Variants in SORCS3 observed in about 807,000 individuals in gnomAD.
The protein encoded by SORCS3 is sortilin related VPS10 domain containing receptor 3, also known as VPS10 domain-containing receptor SorCS3.
In SORCS3, 57 loss-of-function variants were observed where a neutral mutation model predicts 146.3. That is an observed-to-expected ratio of 0.39 (90% CI 0.31 to 0.49). The LOEUF is 0.49. Among genes scored for constraint, SORCS3 ranks in the 20% least tolerant of loss-of-function variants. The probability of loss-of-function intolerance (pLI) is 0.92; values close to 1 mark genes in which losing one functional copy is unlikely to be tolerated. For missense variants in SORCS3, 1,341 were observed against 1,575.5 expected (o/e 0.85, Z 2.52); for synonymous variants, 653 against 618.5 (o/e 1.06, Z -0.83).
At chr10:104,819,969 G>A (rs747957443) in intron 1 of SORCS3, among the ~76,000 whole-genome samples, 1 of 152,172 alleles carries the variant, frequency 6.6e-6, no homozygotes, top group African/African-American at 2.4e-5. Context: ...GGTTTAGAAT[G>A]GAAAGTTGGC....
chr10:104,703,112 G>T (rs137878984), intron 1 of SORCS3, among the ~76,000 whole-genome samples: 3 of 152,274 alleles, frequency 2.0e-5, no homozygotes, highest in Non-Finnish European at 2.9e-5. Flanking sequence ...GCATCCCAAA[G>T]TCCAAGGGAA....
At chr10:104,977,865 C>T (rs1328455533) in intron 4 of SORCS3, among the ~76,000 whole-genome samples, 9 of 150,684 alleles carry the variant, frequency 6.0e-5, no homozygotes, top group Admixed American at 1.3e-4. Flanking sequence ...CTGAGTGGCT[C>T]GGATTACAGG....
At chr10:104,845,044 T>A (rs1396602970) in intron 2 of SORCS3, among the ~76,000 whole-genome samples, 1 of 152,168 alleles carries the variant, frequency 6.6e-6, no homozygotes, top group Non-Finnish European at 1.5e-5. Context: ...TCCTCCAACG[T>A]ACCAACCACA....
chr10:104,832,062 C>G (rs77065459), intron 1 of SORCS3, among the ~76,000 whole-genome samples: 1 of 152,076 alleles, frequency 6.6e-6, no homozygotes, highest in Non-Finnish European at 1.5e-5. Context: ...TTCTTTTGCC[C>G]TTAGCAAATA....
At chr10:104,902,436 G>A (rs768482733) in intron 2 of SORCS3, among the ~76,000 whole-genome samples, 2 of 152,220 alleles carry the variant, frequency 1.3e-5, no homozygotes, top group Non-Finnish European at 2.9e-5. Context: ...GAGGGACAGG[G>A]TCCTTGAGCC....
intron 20 of SORCS3, among the ~76,000 whole-genome samples, chr10:105,226,242 G>T (rs1442660076): frequency 6.6e-6 from 1 of 151,692 alleles, no homozygotes; most frequent in Admixed American, 6.6e-5. Flanking sequence ...TTCTATGCTG[G>T]TTTTTTGAGA....
intron 1 of SORCS3, among the ~76,000 whole-genome samples, chr10:104,693,455 T>C (rs2016137917): frequency 6.6e-6 from 1 of 152,194 alleles, no homozygotes; most frequent in African/African-American, 2.4e-5. Context: ...CAACATACTT[T>C]GCAGAGAATT....
chr10:105,082,600 A>T (rs1185324351), intron 5 of SORCS3, among the ~76,000 whole-genome samples: 1 of 152,222 alleles, frequency 6.6e-6, no homozygotes, highest in Non-Finnish European at 1.5e-5. Flanking sequence ...GTTTACACAG[A>T]GGGCCTGATC....
chr10:105,008,016 G>GGCTT (rs1033154908), intron 4 of SORCS3, among the ~76,000 whole-genome samples: 24 of 152,198 alleles, frequency 1.6e-4, no homozygotes, highest in Admixed American at 1.2e-3. Flanking sequence ...GAGGAATGGA[G>GGCTT]AAGCAAGAAC....
intron 1 of SORCS3, among the ~76,000 whole-genome samples, chr10:104,652,926 A>G (rs1324733872): frequency 6.6e-6 from 1 of 152,264 alleles, no homozygotes; most frequent in African/African-American, 2.4e-5. Flanking sequence ...TGTTGGACAG[A>G]TATTGCAGAG....
intron 9 of SORCS3, among the ~76,000 whole-genome samples, chr10:105,149,852 C>A (rs1331595707): frequency 2.0e-5 from 3 of 152,116 alleles, no homozygotes. Context: ...AGGCATGAAT[C>A]AAAATGAAGA....
intron 1 of SORCS3, among the ~76,000 whole-genome samples, chr10:104,790,040 C>A (rs1327228794): frequency 6.6e-6 from 1 of 152,202 alleles, no homozygotes; most frequent in Non-Finnish European, 1.5e-5. Flanking sequence ...GTGTCTTCCC[C>A]AGGACAAAAG....
At chr10:104,772,598 C>T (rs2017264610) in intron 1 of SORCS3, among the ~76,000 whole-genome samples, 1 of 152,130 alleles carries the variant, frequency 6.6e-6, no homozygotes, top group South Asian at 2.1e-4. Flanking sequence ...GACGTTATTC[C>T]CCCGCTTTCC....
chr10:105,161,853 G>GTAGCCCTTCAGCCAGACCC (rs1367046708), intron 11 of SORCS3, among the ~76,000 whole-genome samples: 1 of 152,114 alleles, frequency 6.6e-6, no homozygotes, highest in Non-Finnish European at 1.5e-5. Context: ...TCCACCTCTA[G>GTAGCCCTTCAGCCAGACCC]TACTCTGTTC....
chr10:104,765,430 C>T (rs1353917117), intron 1 of SORCS3, among the ~76,000 whole-genome samples: 3 of 152,200 alleles, frequency 2.0e-5, no homozygotes, highest in Non-Finnish European at 4.4e-5. Flanking sequence ...TCCCTGTCTC[C>T]TTATCTGTAA....
chr10:105,260,763 A>G (rs1378920415), intron 25 of SORCS3, among the ~76,000 whole-genome samples: 1 of 152,072 alleles, frequency 6.6e-6, no homozygotes, highest in African/African-American at 2.4e-5. Flanking sequence ...CAACAAAGTG[A>G]TTTTCCTTTA....
chr10:105,228,880 A>G (rs1453968976), intron 20 of SORCS3, among the ~76,000 whole-genome samples: 2 of 152,200 alleles, frequency 1.3e-5, no homozygotes, highest in African/African-American at 4.8e-5. Flanking sequence ...CTGAATCTGG[A>G]TATCTAAATC....
At chr10:105,181,011 A>T (rs575957672) in intron 14 of SORCS3, among the ~76,000 whole-genome samples, 4 of 152,308 alleles carry the variant, frequency 2.6e-5, no homozygotes, top group African/African-American at 7.2e-5. Context: ...TAAGACAGAC[A>T]TGTGGATGCA....
intron 3 of SORCS3, among the ~76,000 whole-genome samples, chr10:104,943,429 T>G (rs2019340250): frequency 6.6e-6 from 1 of 152,130 alleles, no homozygotes; most frequent in South Asian, 2.1e-4. Context: ...CCCGGCCAAA[T>G]GTAAAAAGAG....
Sources: gnomAD v4.1 joint callset for allele counts (sites outside exome capture counted in the v4.1 genomes callset) on GRCh38, gnomAD v4.1.1 for gene constraint, MANE v1.5 for transcripts, NCBI Gene and HGNC (gene_info 2026-07-23, HGNC 2026-07-21) for gene names.